BTAF1: variants seen among roughly 807,000 people sequenced by gnomAD.
BTAF1 encodes TATA-binding protein-associated factor 172.
Under a neutral mutation model 227.1 loss-of-function variants are expected in BTAF1, and 38 were observed. That is an observed-to-expected ratio of 0.17 (90% confidence interval 0.13 to 0.22). The LOEUF (loss-of-function observed/expected upper bound fraction) is 0.22. BTAF1 is among the 10% of genes least tolerant of loss of function. The pLI is 1.00. For missense variants in BTAF1, 1,598 were observed against 2,204.0 expected (o/e 0.73, Z 5.51); for synonymous variants, 742 against 751.9 (o/e 0.99, Z 0.21).
Position 91,925,974 on chromosome 10 carries a change from A to C in BTAF1, c.14+1884A>C, listed in dbSNP as rs918700999. On this transcript the variant is annotated intron_variant, in intron 1 of 37. Coordinates refer to ENST00000265990, the MANE Select transcript of BTAF1 (RefSeq NM_003972.3). ...TTTTTTAAAAGCCTGTCATGTTTTT[A>C]TGGAAGAGCTATTTCTGTGCTTAGT... Among the ~76,000 whole-genome samples, 36 of 151,896 alleles carry C rather than the reference A, an allele frequency of 2.4e-4. 1 individual carries two copies. The highest frequency in any genetic ancestry group is 2.1e-4 in the South Asian group (1 of 4,810).
chr10:91,927,629 AAATG>A (rs1465012227), intron 1 of BTAF1, among the ~76,000 whole-genome samples: 1 of 152,246 alleles, frequency 6.6e-6, no homozygotes, highest in South Asian at 2.1e-4. Context: ...TTTAAAAAAA[AAATG>A]AATGAATGAT....
intron 1 of BTAF1, among the ~76,000 whole-genome samples, chr10:91,932,378 A>G (rs1182383616): frequency 6.6e-6 from 1 of 152,180 alleles, no homozygotes; most frequent in Non-Finnish European, 1.5e-5. Flanking sequence ...GCTGTCACAG[A>G]TTAAGGATGT....
At chr10:91,959,413 G>A (rs1462741704) in intron 9 of BTAF1, 2 of 549,236 alleles carry the variant, frequency 3.6e-6, no homozygotes, top group Non-Finnish European at 5.4e-6. Flanking sequence ...TATGACCGGT[G>A]TGCTTGATAT....
intron 18 of BTAF1, among the ~76,000 whole-genome samples, chr10:91,983,292 A>G (rs536112326): frequency 1.1e-4 from 17 of 152,356 alleles, no homozygotes; most frequent in African/African-American, 4.1e-4. Context: ...GAGATGTATG[A>G]TTTTGTATAA....
chr10:91,949,895 G>A (rs946166372), intron 4 of BTAF1, among the ~76,000 whole-genome samples: 1 of 152,128 alleles, frequency 6.6e-6, no homozygotes, highest in African/African-American at 2.4e-5. Flanking sequence ...CAGCGCTTTG[G>A]TAGGCCAAGG....
At chr10:91,975,567 T>C (rs895912126) in intron 14 of BTAF1, among the ~76,000 whole-genome samples, 3 of 152,204 alleles carry the variant, frequency 2.0e-5, no homozygotes, top group African/African-American at 4.8e-5. Context: ...TCAGAGCAAA[T>C]TAGTAAAATT....
rs1373102278 is a variant in BTAF1, at chr10:91,992,727, G to A, written c.3045+418G>A. On this transcript the variant is annotated intron_variant, in intron 21 of 37. Transcript: ENST00000265990. ...TCTAAATTTATTTTTCATATGAACAGCCAGTTATCCCACTATTGAATCCTT... is the reference window on the plus strand; with the variant it reads ...TCTAAATTTATTTTTCATATGAACAACCAGTTATCCCACTATTGAATCCTT... 2.6e-5 allele frequency among the ~76,000 whole-genome samples: 4 copies of A among 152,152 alleles called. No homozygotes were observed. The East Asian group carries it at 5.8e-4, about 22-fold the overall frequency.
At position 91,966,745 on chromosome 10, in the gene BTAF1, A is replaced by T; in HGVS notation, c.1638A>T (p.Ser546=). 1.2e-6 allele frequency: 2 copies of T among 1,613,922 alleles called. No homozygotes were observed. The highest frequency in any genetic ancestry group is 1.7e-6 in the Non-Finnish European group (2 of 1,179,900). Reference sequence around the variant, plus strand: ...TGGAAACTCTGTTTACGTTATTATCAACACAGGACCAGGTAAGAACTGATA... The same window carrying T: ...TGGAAACTCTGTTTACGTTATTATCTACACAGGACCAGGTAAGAACTGATA... ...AALETLFTLL[S]TQDQNSSSWL... is the part of the protein sequence containing the mutation. The change falls in exon 14 of 38, where the codon TCA becomes TCT. Residue 546 remains serine (S), a synonymous_variant. Transcript: ENST00000265990.
chr10:92,013,529 GACTT>G (rs567451227), intron 30 of BTAF1, 134 bp from the exon 31 acceptor site: 1 of 1,122,734 alleles, frequency 8.9e-7, no homozygotes, highest in Non-Finnish European at 1.3e-6. Flanking sequence ...CTAAAATAAA[GACTT>G]ACACCATATG....
rs1590013331 is a variant in BTAF1 at position 92,027,217 on chromosome 10, G to A, written c.5323G>A (p.Ala1775Thr). Residue 1775 changes from alanine (A) to threonine (T), a missense_variant, in exon 37 of 38, where the codon GCG becomes ACG. Ala to Thr is a moderately conservative substitution (Grantham distance 58, BLOSUM62 0). Around this residue, in one of 10 missense-constraint regions of BTAF1, gnomAD observed 79 missense variants for 97.9 expected, o/e 0.81. Coordinates refer to ENST00000265990, the MANE Select transcript of BTAF1 (RefSeq NM_003972.3). ...MGLQKFKMNI[A>T]NTVISQENSS... ...GTTGCAGAAATTCAAGATGAACATA[G>A]CGAATACTGTTATTAGCCAAGAGAA... 1 of 1,613,922 alleles carries A rather than the reference G, an allele frequency of 6.2e-7. No individual in the cohort carries two copies. Among genetic ancestry groups the A allele is most frequent in the Non-Finnish European group, 8.5e-7 (1 of 1,179,858 alleles).
intron 20 of BTAF1, among the ~76,000 whole-genome samples, chr10:91,991,560 G>A (rs1351961057): frequency 6.6e-6 from 1 of 151,042 alleles, no homozygotes; most frequent in Non-Finnish European, 1.5e-5. Context: ...AGACCAGCCT[G>A]GGCAACATGG....
At chr10:91,968,062 TTACAG>T (rs1353711257) in intron 14 of BTAF1, among the ~76,000 whole-genome samples, 5 of 152,166 alleles carry the variant, frequency 3.3e-5, no homozygotes, top group Admixed American at 3.3e-4. Flanking sequence ...AGTCCACACT[TTACAG>T]TAGGGTTCGT....
intron 32 of BTAF1, among the ~76,000 whole-genome samples, chr10:92,016,132 A>G (rs1187055890): frequency 6.6e-6 from 1 of 152,148 alleles, no homozygotes; most frequent in African/African-American, 2.4e-5. Context: ...ATGTGTTCAT[A>G]CTTGTTTTCT....
intron 1 of BTAF1, among the ~76,000 whole-genome samples, chr10:91,926,713 T>A (rs1344021064): frequency 3.3e-5 from 5 of 152,240 alleles, no homozygotes; most frequent in African/African-American, 1.2e-4. Context: ...TAAGTTTATG[T>A]ATCAATGTAT....
chr10:91,937,204 A>G (rs1284730463), intron 2 of BTAF1, among the ~76,000 whole-genome samples: 1 of 152,022 alleles, frequency 6.6e-6, no homozygotes, highest in Non-Finnish European at 1.5e-5. Flanking sequence ...CATGTTGGCT[A>G]GGATGGTCTT....
chr10:91,973,718 A>C (rs986109341), intron 14 of BTAF1, among the ~76,000 whole-genome samples: 7 of 151,370 alleles, frequency 4.6e-5, no homozygotes, highest in African/African-American at 1.7e-4. Context: ...TCCCGGCTAA[A>C]ACGGTGAAAC....
At position 91,935,699 on chromosome 10, in the gene BTAF1, T is replaced by C. The variant is rs144490662; in HGVS notation, c.57T>C (p.Pro19=). 6.2e-7 allele frequency: 1 copy of C among 1,613,756 alleles called. No homozygotes were observed. The highest frequency in any genetic ancestry group is 8.5e-7 in the Non-Finnish European group (1 of 1,179,734). Residue 19 remains proline, a synonymous_variant, in exon 2 of 38, where the codon CCT becomes CCC. Coordinates refer to ENST00000265990, the MANE Select transcript of BTAF1 (RefSeq NM_003972.3). The stretch of plus-strand genomic sequence containing the variant: ...TTTTACTGGATACTGGCACTACTCC[T>C]GTTACAAGAAAAGCTGCTGCACAGC... ...LFILLDTGTT[P]VTRKAAAQQL... is the part of the protein sequence containing the mutation.
chr10:92,011,804 A>G (rs1047832866), intron 30 of BTAF1, among the ~76,000 whole-genome samples: 110 of 152,296 alleles, frequency 7.2e-4, no homozygotes, highest in African/African-American at 2.5e-3. Context: ...ACCTGATGTC[A>G]GGAGGAAATT....
intron 25 of BTAF1, among the ~76,000 whole-genome samples, chr10:92,000,630 C>T (rs1251682219): frequency 2.0e-5 from 3 of 152,084 alleles, no homozygotes; most frequent in Non-Finnish European, 4.4e-5. Flanking sequence ...GTGATCTTGG[C>T]TCCTGCAACC....
Sources: gnomAD v4.1 joint callset for allele counts (sites outside exome capture counted in the v4.1 genomes callset) on GRCh38, gnomAD v4.1.1 for gene constraint, gnomAD v4.1.1 regional missense constraint, MANE v1.5 for transcripts, NCBI Gene and HGNC (gene_info 2026-07-23, HGNC 2026-07-21) for gene names.